The following ZFR variants were observed in gnomAD, a reference collection of about 807,000 sequenced individuals.
The protein encoded by ZFR is zinc finger RNA-binding protein.
Under a neutral mutation model 130.7 loss-of-function variants are expected in ZFR, and 19 were observed. That is an observed-to-expected ratio of 0.15 (90% CI 0.10 to 0.21). The LOEUF (loss-of-function observed/expected upper bound fraction) is 0.21. ZFR is among the 10% of genes least tolerant of loss of function. ZFR has a pLI of 1.00. For missense variants in ZFR, 872 were observed against 1,321.5 expected (o/e 0.66, Z 5.27); for synonymous variants, 466 against 456.9 (o/e 1.02, Z -0.25).
At chr5:32,386,702 C>T (rs557169565) in intron 14 of ZFR, among the ~76,000 whole-genome samples, 1 of 152,076 alleles carries the variant, frequency 6.6e-6, no homozygotes, top group African/African-American at 2.4e-5. Flanking sequence ...TAATATAAAA[C>T]AAGCAACAGT....
At chr5:32,400,829 T>A (rs996670208) in intron 8 of ZFR, among the ~76,000 whole-genome samples, 1 of 152,102 alleles carries the variant, frequency 6.6e-6, no homozygotes, top group African/African-American at 2.4e-5. Flanking sequence ...ACTCCAGGCC[T>A]GGTCAGACCC....
Position 32,414,346 on chromosome 5 carries a change from T to G in ZFR, c.784+623A>C, listed in dbSNP as rs137883303. On this transcript the variant is annotated intron_variant, in intron 5 of 19. Transcript: ENST00000265069. ...TCTCTACAAAAAAGGCAATGTGTGA[T>G]CTTAATCACTGTGAAAATGCAAACT... 3.6e-3 allele frequency among the ~76,000 whole-genome samples: 553 copies of G among 152,294 alleles called. 4 individuals are homozygous for G. Among genetic ancestry groups the G allele is most frequent in the African/African-American group, 0.012 (483 of 41,560 alleles).
At chr5:32,403,538 A>G (rs1208714323) in intron 7 of ZFR, 141 bp from the exon 8 acceptor site, 1 of 1,025,786 alleles carries the variant, frequency 9.7e-7, no homozygotes, top group Non-Finnish European at 1.4e-6. Flanking sequence ...ATATACACAC[A>G]TATACAAAAC....
rs3811975 is a variant in ZFR, at chr5:32,384,463, C to T, written c.2641+1045G>A. ...TGTTCTTTTCCTGGGTTGTGAAAAG[C>T]CCAGTGTCTTAAAAAATTGCTTTGT... On this transcript the variant is annotated intron_variant, in intron 15 of 19. Coordinates refer to ENST00000265069, the MANE Select transcript of ZFR (RefSeq NM_016107.5). Among the ~76,000 whole-genome samples the T allele has an allele frequency of 9.9e-5, 15 of 152,064 alleles. No homozygotes were observed. In the East Asian group the frequency reaches 2.9e-3, roughly 29 times the overall value.
At chr5:32,387,771 A>G in intron 13 of ZFR, 72 bp from the exon 14 acceptor site, 2 of 1,390,980 alleles carry the variant, frequency 1.4e-6, no homozygotes, top group Admixed American at 5.3e-5. Context: ...TAAACATACA[A>G]TAGTAAGTGA....
At chr5:32,411,665 G>C (rs1258967234) in intron 5 of ZFR, among the ~76,000 whole-genome samples, 1 of 118,822 alleles carries the variant, frequency 8.4e-6, no homozygotes, top group Non-Finnish European at 1.6e-5. Flanking sequence ...CCCCAGCCTG[G>C]GCAACAGAGT....
chr5:32,403,257 A>T lies in ZFR; in HGVS notation c.1365T>A (p.Thr455=). 2 of 1,614,220 alleles carry T rather than the reference A, an allele frequency of 1.2e-6. No homozygotes were observed. Among genetic ancestry groups the T allele is most frequent in the Non-Finnish European group, 1.7e-6 (2 of 1,180,030 alleles). ...SPSSIAANNC[T]VNTSSVATSS... is the part of the protein sequence containing the mutation. Reference sequence around the variant, plus strand: ...ACGTTGCAACTGATGACGTATTCACAGTACAATTGTTTGCTGCAATGCTTG... The same window carrying T: ...ACGTTGCAACTGATGACGTATTCACTGTACAATTGTTTGCTGCAATGCTTG... Residue 455 remains threonine (T), a synonymous_variant, in exon 8 of 20, where the codon ACT becomes ACA. Transcript: ENST00000265069.
chr5:32,431,406 T>C (rs551796753), intron 2 of ZFR, among the ~76,000 whole-genome samples: 58 of 152,338 alleles, frequency 3.8e-4, no homozygotes, highest in Non-Finnish European at 7.8e-4. Context: ...AATATTCATG[T>C]TAAATTTCTA....
At chr5:32,356,023 A>G in intron 19 of ZFR, 84 bp from the exon 20 acceptor site, 2 of 1,095,540 alleles carry the variant, frequency 1.8e-6, no homozygotes. Flanking sequence ...CTCCAAATGC[A>G]ACCTAAAAAA....
intron 2 of ZFR, among the ~76,000 whole-genome samples, chr5:32,427,987 T>C (rs1449279578): frequency 1.3e-5 from 2 of 152,166 alleles, no homozygotes; most frequent in African/African-American, 4.8e-5. Flanking sequence ...AAGATCTAAA[T>C]GTAACAGCTA....
chr5:32,425,833 A>C (rs1754062342), intron 2 of ZFR, among the ~76,000 whole-genome samples: 1 of 152,138 alleles, frequency 6.6e-6, no homozygotes, highest in Non-Finnish European at 1.5e-5. Context: ...GCCTAATTCT[A>C]ATATAGTAAA....
At chr5:32,388,418 C>T in intron 13 of ZFR, 51 bp downstream of exon 13, 1 of 1,550,468 alleles carries the variant, frequency 6.4e-7, no homozygotes, top group Non-Finnish European at 8.9e-7. Context: ...TGTAAGAAGT[C>T]CACATAAGAA....
intron 2 of ZFR, among the ~76,000 whole-genome samples, chr5:32,432,931 G>T (rs1230995039): frequency 5.3e-5 from 8 of 149,854 alleles, no homozygotes; most frequent in African/African-American, 2.0e-4. Context: ...ATGAGGTCTT[G>T]CTATGCTACC....
chr5:32,404,146 C>T (rs1230003016), intron 6 of ZFR, 49 bp from the exon 7 acceptor site: 3 of 1,473,094 alleles, frequency 2.0e-6, no homozygotes, highest in African/African-American at 1.4e-5. Flanking sequence ...TTTCTTTACA[C>T]ATTAAGATTA....
chr5:32,410,348 T>C (rs1966498), intron 5 of ZFR, among the ~76,000 whole-genome samples: 144,055 of 151,024 alleles, frequency 0.95, 68,762 homozygotes, highest in African/African-American at 0.98. Flanking sequence ...GTGGCTCACA[T>C]CTGTAATCCC....
chr5:32,385,392 T>A, intron 15 of ZFR, 116 bp downstream of exon 15: 1 of 1,252,776 alleles, frequency 8.0e-7, no homozygotes, highest in South Asian at 1.5e-5. Context: ...AAGTCAAATC[T>A]ATCAAATTCA....
rs963026600 is a variant in ZFR at position 32,416,647 on chromosome 5, T to C, written c.565+1001A>G. Among the ~76,000 whole-genome samples the C allele has an allele frequency of 2.0e-5, 3 of 148,706 alleles. No individual in the cohort carries two copies. The East Asian group carries it at 5.9e-4, about 29-fold the overall frequency. ...AAAAAAAGAGAAGAGACCACAGGAA[T>C]AGTCAGATAGTCACTATAATTCAAA... On this transcript the variant is annotated intron_variant, in intron 4 of 19. Coordinates refer to ENST00000265069, the MANE Select transcript of ZFR (RefSeq NM_016107.5).
At position 32,439,804 on chromosome 5, in the gene ZFR, T is replaced by A. The variant is rs1452289142; in HGVS notation, c.137+4425A>T. 1.1e-3 allele frequency among the ~76,000 whole-genome samples: 83 copies of A among 72,458 alleles called. 1 individual carries two copies. Among genetic ancestry groups the A allele is most frequent in the Non-Finnish European group, 1.6e-3 (65 of 39,726 alleles). The allele number at this position is 72,458 out of a possible 152,430, so 47.5% of individuals were successfully genotyped here. ...GGGTGAGAGAGCGAGACCATGTCTT[T>A]AAAAAAAAAAAAAAAAAAAAAAAAG... On this transcript the variant is annotated intron_variant, in intron 2 of 19. Transcript: ENST00000265069.
At chr5:32,394,320 A>G (rs2111747760) in intron 11 of ZFR, 1 of 168,674 alleles carries the variant, frequency 5.9e-6, no homozygotes, top group South Asian at 2.1e-4. Flanking sequence ...ATCTGGATGA[A>G]CCATGAAAAC....
Sources: allele counts gnomAD v4.1 joint callset (sites outside exome capture counted in the v4.1 genomes callset), GRCh38; gene constraint gnomAD v4.1.1; transcripts MANE v1.5; gene names NCBI Gene and HGNC (gene_info 2026-07-23, HGNC 2026-07-21).